The following PRDM16 variants were observed in gnomAD, a reference collection of about 807,000 sequenced individuals.
The protein encoded by PRDM16 is PR/SET domain 16.
Under a neutral mutation model 110.6 loss-of-function variants are expected in PRDM16, and 23 were observed. The observed-to-expected ratio is 0.21, with a 90% confidence interval of 0.15 to 0.29. PRDM16 has a LOEUF of 0.29. Among genes scored for constraint, PRDM16 ranks in the 10% least tolerant of loss-of-function variants. The pLI, the probability that PRDM16 is intolerant of heterozygous loss-of-function variation, is 1.00. For synonymous variants in PRDM16, 799 were observed against 781.8 expected, an observed-to-expected ratio of 1.02 and a Z score of -0.37; for missense variants, 1,615 against 1,794.3, an observed-to-expected ratio of 0.90 and a Z score of 1.81.
intron 2 of PRDM16, among the ~76,000 whole-genome samples, chr1:3,220,545 G>A (rs554278346): frequency 1.3e-5 from 2 of 152,320 alleles, no homozygotes; most frequent in Non-Finnish European, 2.9e-5. Flanking sequence ...ACCTGGCCTC[G>A]AGTCTTGCCG....
rs1239281386 is a variant in PRDM16, at chr1:3,186,161, A to T, written c.74A>T (p.Asn25Ile). Reference protein sequence around the residue: ...GDVVNNMYEPNRDLLASHSAE... With the variant: ...GDVVNNMYEPIRDLLASHSAE... The stretch of plus-strand genomic sequence containing the variant: ...GTTGTAAATAATATGTATGAGCCCA[A>T]CCGGGACCTGCTGGCCAGCCACAGC... The change falls in exon 2 of 17, where the codon AAC (asparagine) becomes ATC (isoleucine). Residue 25 changes from asparagine to isoleucine, a missense_variant. Coordinates refer to ENST00000270722, the MANE Select transcript of PRDM16 (RefSeq NM_022114.4). 1 of 1,612,772 alleles carries T rather than the reference A, an allele frequency of 6.2e-7. No individual in the cohort carries two copies. The highest frequency in any genetic ancestry group is 1.7e-5 in the Admixed American group (1 of 60,016).
At position 3,190,390 on chromosome 1, in the gene PRDM16, T is replaced by C. The variant is rs2817141; in HGVS notation, c.387+3916T>C. 0.93 allele frequency among the ~76,000 whole-genome samples: 141,430 copies of C among 152,250 alleles called. 65,728 individuals are homozygous for C. The highest frequency in any genetic ancestry group is 1 in the East Asian group (5,174 of 5,180). ...CGGCCTCAGTTGCTGGTCGGAAGCCTGCATTCCTTCTACGCTGAGGCTGAC... is the reference window on the plus strand; with the variant it reads ...CGGCCTCAGTTGCTGGTCGGAAGCCCGCATTCCTTCTACGCTGAGGCTGAC... On this transcript the variant is annotated intron_variant, in intron 2 of 16. Transcript: ENST00000270722. The surrounding 1 kb of genome is among the most constrained non-coding windows in gnomAD (Gnocchi z 5.0).
rs1642648807 is a variant in PRDM16 at position 3,358,307 on chromosome 1, C to A, written c.439-26845C>A. ...GCTGGGGAACCGTAGTTACGCAGGTCCTGAACTGGGTCTTCTCTGGATGCG... is the reference window on the plus strand; with the variant it reads ...GCTGGGGAACCGTAGTTACGCAGGTACTGAACTGGGTCTTCTCTGGATGCG... On this transcript the variant is annotated intron_variant, in intron 3 of 16. Coordinates refer to ENST00000270722, the MANE Select transcript of PRDM16 (RefSeq NM_022114.4). This position sits in a 1 kb window ranked among gnomAD's most constrained non-coding sequence, Gnocchi z 4.0. Among the ~76,000 whole-genome samples, 1 of 152,206 alleles carries A rather than the reference C, an allele frequency of 6.6e-6. No homozygotes were observed. The highest frequency in any genetic ancestry group is 1.5e-5 in the Non-Finnish European group (1 of 68,036).
chr1:3,218,025 C>T (rs1229607671), intron 2 of PRDM16, among the ~76,000 whole-genome samples: 2 of 152,244 alleles, frequency 1.3e-5, no homozygotes, highest in African/African-American at 2.4e-5. Context: ...ACCCCTCATC[C>T]AACATCTGCA....
intron 3 of PRDM16, among the ~76,000 whole-genome samples, chr1:3,292,398 G>A (rs74830207): frequency 0.07 from 10,681 of 152,218 alleles, 640 homozygotes; most frequent in East Asian, 0.31. Context: ...TTGATCCTCC[G>A]CCCAGTGTCT....
At position 3,087,739 on chromosome 1, in the gene PRDM16, C is replaced by T. The variant is rs889211749; in HGVS notation, c.37+18443C>T. Among the ~76,000 whole-genome samples, 23 of 152,160 alleles carry T rather than the reference C, an allele frequency of 1.5e-4. 1 individual carries two copies. The highest frequency in any genetic ancestry group is 3.1e-4 in the Non-Finnish European group (21 of 68,040). ...CTGGAATCACTCTTTTCAAAAATCA[C>T]GTCTTGGTTGTGTCTGCCAGTACCA... On this transcript the variant is annotated intron_variant, in intron 1 of 16. Transcript: ENST00000270722.
At chr1:3,351,525 T>TCTCTCCCCTC (rs1201766420) in intron 3 of PRDM16, among the ~76,000 whole-genome samples, 1 of 7,858 alleles carries the variant, frequency 1.3e-4, no homozygotes, top group African/African-American at 6.4e-4. Context: ...TTGGAACCCG[T>TCTCTCCCCTC]CTCTGTCCCC....
At chr1:3,307,872 G>A (rs540117910) in intron 3 of PRDM16, 1 of 152,314 alleles carries the variant, frequency 6.6e-6, no homozygotes, top group East Asian at 1.9e-4. Flanking sequence ...TACATTCACA[G>A]CAAGAGCGGC....
intron 3 of PRDM16, among the ~76,000 whole-genome samples, chr1:3,248,462 A>G (rs1557556669): frequency 2.0e-5 from 3 of 152,182 alleles, no homozygotes; most frequent in Admixed American, 6.5e-5. Context: ...AAATAAATAC[A>G]TCGTGAATTC....
rs117323187 is a variant in PRDM16, at chr1:3,320,975, G to A, written c.439-64177G>A. Among the ~76,000 whole-genome samples the A allele has an allele frequency of 1.5e-4, 23 of 152,352 alleles. No individual in the cohort carries two copies. The East Asian group carries it at 4.1e-3, about 27-fold the overall frequency. On this transcript the variant is annotated intron_variant, in intron 3 of 16. Coordinates refer to ENST00000270722, the MANE Select transcript of PRDM16 (RefSeq NM_022114.4). ...GCACATGGCTGTCCCAAGCACCCGA[G>A]GGAGACGAAACGCGTGCCCTTCCTC...
At chr1:3,084,461 G>GC (rs571039405) in intron 1 of PRDM16, among the ~76,000 whole-genome samples, 1 of 152,208 alleles carries the variant, frequency 6.6e-6, no homozygotes, top group African/African-American at 2.4e-5. Flanking sequence ...GGGATTATCT[G>GC]CCCCCCTGGG....
At chr1:3,327,242 G>C (rs1641933622) in intron 3 of PRDM16, among the ~76,000 whole-genome samples, 2 of 152,236 alleles carry the variant, frequency 1.3e-5, no homozygotes, top group African/African-American at 4.8e-5. Context: ...CCCAAATCCA[G>C]GTGTGGCCGC....
chr1:3,197,360 C>A (rs879377237), intron 2 of PRDM16, among the ~76,000 whole-genome samples: 1 of 152,184 alleles, frequency 6.6e-6, no homozygotes, highest in African/African-American at 2.4e-5. Context: ...GCCATCACAG[C>A]GGCCCCAGCT....
intron 3 of PRDM16, among the ~76,000 whole-genome samples, chr1:3,342,899 TG>T (rs1455006894): frequency 1.3e-5 from 2 of 152,168 alleles, no homozygotes; most frequent in Non-Finnish European, 2.9e-5. Flanking sequence ...GTCCTAGGCA[TG>T]GGCGTTTTGG....
At chr1:3,346,034 G>A (rs890754936) in intron 3 of PRDM16, among the ~76,000 whole-genome samples, 4 of 152,268 alleles carry the variant, frequency 2.6e-5, no homozygotes, top group Non-Finnish European at 5.9e-5. Context: ...GGCATTGAGG[G>A]GCGGGCTCCA....
At position 3,276,208 on chromosome 1, in the gene PRDM16, C is replaced by T. The variant is rs541742803; in HGVS notation, c.438+32071C>T. Among the ~76,000 whole-genome samples the T allele has an allele frequency of 2.6e-5, 4 of 152,338 alleles. No individual in the cohort carries two copies. The South Asian group carries it at 8.3e-4, about 32-fold the overall frequency. On this transcript the variant is annotated intron_variant, in intron 3 of 16. Transcript: ENST00000270722. ...TATGTCTGACTAAAATGTCCTTGTG[C>T]GGGAGTCACTTCCCAAGAGAGGTCT...
Position 3,243,925 on chromosome 1 carries a change from A to C in PRDM16, c.388-162A>C, listed in dbSNP as rs577016370. On this transcript the variant is annotated intron_variant, in intron 2 of 16. Transcript: ENST00000270722. The surrounding 1 kb of genome is among the most constrained non-coding windows in gnomAD (Gnocchi z 5.5). ...GGGAGCCTCTGCTGGAAGAAGGGAT[A>C]CCTGTGATCAATGGAACCCTTCATT... 6.6e-6 allele frequency among the ~76,000 whole-genome samples: 1 copy of C among 152,032 alleles called. No homozygotes were observed. Among genetic ancestry groups the C allele is most frequent in the Non-Finnish European group, 1.5e-5 (1 of 67,998 alleles).
At chr1:3,406,789 T>G (rs1382042912) in intron 8 of PRDM16, among the ~76,000 whole-genome samples, 1 of 152,138 alleles carries the variant, frequency 6.6e-6, no homozygotes, top group African/African-American at 2.4e-5. Flanking sequence ...CAGGGCCGGG[T>G]CCAAGGGGCC....
At chr1:3,115,704 G>T (rs531400435) in intron 1 of PRDM16, among the ~76,000 whole-genome samples, 2 of 152,204 alleles carry the variant, frequency 1.3e-5, no homozygotes, top group East Asian at 1.9e-4. Context: ...TGGCCTGGGC[G>T]TCTAGCCCTT....
Sources: allele counts gnomAD v4.1 joint callset (sites outside exome capture counted in the v4.1 genomes callset), GRCh38; gene constraint gnomAD v4.1.1; non-coding constraint Gnocchi (gnomAD v3.1); transcripts MANE v1.5; gene names NCBI Gene and HGNC (gene_info 2026-07-23, HGNC 2026-07-21).